The following CCN4 variants were observed in gnomAD, a reference collection of about 807,000 sequenced individuals.
CCN4 encodes cellular communication network factor 4, also known as CCN family member 4.
In CCN4, 30 loss-of-function variants were observed where a neutral mutation model predicts 36.7. That is an observed-to-expected ratio of 0.82 (90% CI 0.61 to 1.11). The LOEUF (loss-of-function observed/expected upper bound fraction) is 1.11. CCN4 is among the 50% of genes least tolerant of loss of function. CCN4 has a pLI of 0.00. For missense variants in CCN4, 505 were observed against 504.9 expected (o/e 1.00, Z 0.00); for synonymous variants, 191 against 195.4 (o/e 0.98, Z 0.19).
At chr8:133,199,998 C>A (rs1853529634) in intron 1 of CCN4, among the ~76,000 whole-genome samples, 1 of 152,170 alleles carries the variant, frequency 6.6e-6, no homozygotes, top group Non-Finnish European at 1.5e-5. Context: ...GTTCAGAACA[C>A]CACCGTGTGC....
At chr8:133,209,863 G>T (rs1853934756) in intron 1 of CCN4, among the ~76,000 whole-genome samples, 1 of 152,166 alleles carries the variant, frequency 6.6e-6, no homozygotes, top group East Asian at 1.9e-4. Context: ...CCTTCCAACT[G>T]CCCCCAAAGG....
chr8:133,224,187 G>GCCA (rs1345007252), intron 3 of CCN4, among the ~76,000 whole-genome samples: 1 of 147,464 alleles, frequency 6.8e-6, no homozygotes, highest in African/African-American at 2.5e-5. Flanking sequence ...TAGCAGTGCT[G>GCCA]CCAGTTGAAC....
intron 1 of CCN4, among the ~76,000 whole-genome samples, chr8:133,197,652 G>A (rs1404538256): frequency 1.3e-5 from 2 of 152,146 alleles, no homozygotes; most frequent in African/African-American, 4.8e-5. Flanking sequence ...GCATTCCAGG[G>A]GATGCGATAA....
intron 1 of CCN4, among the ~76,000 whole-genome samples, chr8:133,204,184 T>A (rs1853684600): frequency 6.6e-6 from 1 of 152,216 alleles, no homozygotes; most frequent in Admixed American, 6.5e-5. Flanking sequence ...CTCCTTTTGG[T>A]TGTCTCCCAT....
chr8:133,230,109 G>T lies in CCN4; in HGVS notation c.*2399G>T, dbSNP rs1335838827. 1 of 152,236 alleles carries T rather than the reference G, an allele frequency of 6.6e-6. No homozygotes were observed. Among genetic ancestry groups the T allele is most frequent in the Non-Finnish European group, 1.5e-5 (1 of 68,046 alleles). 9.4% of individuals were successfully genotyped at this position (152,236 alleles called of 1,614,324 possible). ...AGGAAGTCTGGTTGGAGAAACTAGGGATTATTCTGGCAATGGGTGCAGGAA... is the reference window on the plus strand; with the variant it reads ...AGGAAGTCTGGTTGGAGAAACTAGGTATTATTCTGGCAATGGGTGCAGGAA... On this transcript the variant is annotated 3_prime_UTR_variant, in exon 5 of 5. Transcript: ENST00000250160.
intron 1 of CCN4, among the ~76,000 whole-genome samples, chr8:133,194,806 A>G (rs1430852569): frequency 2.0e-4 from 12 of 58,674 alleles, no homozygotes; most frequent in East Asian, 6.9e-4. Context: ...TGTGGTGTTT[A>G]TTGTGTGTGG....
rs371284503 is a variant in CCN4, at chr8:133,217,063, T to C, written c.350-3518T>C. ...CCAGCATCATCACTCACTATTACTA[T>C]GACTTTAGGCGAACTACTTAGCCTT... On this transcript the variant is annotated intron_variant, in intron 2 of 4. Coordinates refer to ENST00000250160, the MANE Select transcript of CCN4 (RefSeq NM_003882.4). 2.6e-5 allele frequency among the ~76,000 whole-genome samples: 4 copies of C among 152,340 alleles called. 1 individual carries two copies. Among genetic ancestry groups the C allele is most frequent in the African/African-American group, 9.6e-5 (4 of 41,584 alleles).
intron 2 of CCN4, among the ~76,000 whole-genome samples, chr8:133,219,648 T>C (rs1470267146): frequency 6.6e-6 from 1 of 152,244 alleles, no homozygotes; most frequent in African/African-American, 2.4e-5. Flanking sequence ...TTAGGAGTGG[T>C]ATTTCCATTT....
chr8:133,223,868 C>G (rs1012017181), intron 3 of CCN4, among the ~76,000 whole-genome samples: 1 of 152,182 alleles, frequency 6.6e-6, no homozygotes, highest in Non-Finnish European at 1.5e-5. Context: ...GAGCTCACCA[C>G]CATTTTCCGT....
intron 2 of CCN4, among the ~76,000 whole-genome samples, chr8:133,217,948 A>ACG (rs1268672980): frequency 1.3e-5 from 2 of 151,642 alleles, no homozygotes; most frequent in South Asian, 2.1e-4. Flanking sequence ...ACACACACAC[A>ACG]CACACACACA....
chr8:133,206,773 T>C (rs1434278987), intron 1 of CCN4, among the ~76,000 whole-genome samples: 4 of 152,146 alleles, frequency 2.6e-5, no homozygotes, highest in African/African-American at 9.7e-5. Context: ...GGGATCACAC[T>C]GGAATTAAGG....
At position 133,228,978 on chromosome 8, in the gene CCN4, TATC is replaced by T. The variant is rs1317406527; in HGVS notation, c.*1270_*1272del. The T allele has an allele frequency of 6.6e-6, 1 of 152,256 alleles. No individual in the cohort carries two copies. The highest frequency in any genetic ancestry group is 1.5e-5 in the Non-Finnish European group (1 of 68,042). The allele number at this position is 152,256 out of a possible 1,614,324, so 9.4% of individuals were successfully genotyped here. On this transcript the variant is annotated 3_prime_UTR_variant, in exon 5 of 5. Coordinates refer to ENST00000250160, the MANE Select transcript of CCN4 (RefSeq NM_003882.4). ...AAAGGAAAAGGTTGTTGTTAATGAA[TATC>T]AGGCTATTATTTATTGTATTAGGAA...
intron 4 of CCN4, 94 bp from the exon 5 acceptor site, chr8:133,227,317 C>A: frequency 7.4e-7 from 1 of 1,352,420 alleles, no homozygotes; most frequent in Admixed American, 2.2e-5. Context: ...AATGCTCCCA[C>A]ATAGTGAGAA....
chr8:133,210,533 C>T (rs1853977811), intron 1 of CCN4, among the ~76,000 whole-genome samples: 1 of 152,152 alleles, frequency 6.6e-6, no homozygotes, highest in Non-Finnish European at 1.5e-5. Context: ...GAACTGCCAA[C>T]CCCAAGAGCT....
chr8:133,193,727 T>G lies in CCN4; in HGVS notation c.69+2514T>G, dbSNP rs116146903. On this transcript the variant is annotated intron_variant, in intron 1 of 4. Coordinates refer to ENST00000250160, the MANE Select transcript of CCN4 (RefSeq NM_003882.4). ...TATGAAAACTGAGACTCGGAGAGGT[T>G]AAGTAATTTGTCAAAGGTCACACAG... Among the ~76,000 whole-genome samples the G allele has an allele frequency of 2.9e-3, 435 of 152,336 alleles. 2 individuals are homozygous for G. The highest frequency in any genetic ancestry group is 0.01 in the African/African-American group (424 of 41,574).
At chr8:133,192,215 A>G (rs12156037) in intron 1 of CCN4, among the ~76,000 whole-genome samples, 47,106 of 152,060 alleles carry the variant, frequency 0.31, 7,851 homozygotes, top group Middle Eastern at 0.36. Context: ...CTTCACAGAT[A>G]AGGAAACCGT....
rs1320229554 is a variant in CCN4, at chr8:133,230,291, A to G, written c.*2581A>G. 1.3e-5 allele frequency: 2 copies of G among 152,274 alleles called. No homozygotes were observed. The highest frequency in any genetic ancestry group is 4.8e-5 in the African/African-American group (2 of 41,474). The allele number at this position is 152,274 out of a possible 1,614,324, so 9.4% of individuals were successfully genotyped here. A position where few individuals can be genotyped will look rare whatever the true frequency, so the allele number is the denominator to read the frequency against. On this transcript the variant is annotated 3_prime_UTR_variant, in exon 5 of 5. Transcript: ENST00000250160. ...CTTTCTAAGTCAGAATTTCCCTGCA[A>G]TGGTGTGGCCTGATTCAATAAAAAT...
intron 1 of CCN4, among the ~76,000 whole-genome samples, chr8:133,211,699 C>T (rs930307207): frequency 6.6e-6 from 1 of 152,196 alleles, no homozygotes; most frequent in African/African-American, 2.4e-5. Context: ...CCACAGAAGC[C>T]CTGGATTCTC....
At position 133,227,655 on chromosome 8, in the gene CCN4, A is replaced by G. The variant is rs765491614; in HGVS notation, c.1049A>G (p.Asn350Ser). The change falls in exon 5 of 5, where the codon AAT (asparagine) becomes AGT (serine). Residue 350 changes from asparagine to serine, a missense_variant. By Grantham distance (46) the Asn-to-Ser change is conservative. Transcript: ENST00000250160. ...TGTAACCTGAGCTGTAGGAATCCCA[A>G]TGACATCTTTGCTGACTTGGAATCC... ...CFCNLSCRNP[N>S]DIFADLESYP... The G allele has an allele frequency of 6.1e-5, 98 of 1,614,056 alleles. 1 individual carries two copies. The South Asian group carries it at 6.8e-4, about 11-fold the overall frequency.
Sources: allele counts gnomAD v4.1 joint callset (sites outside exome capture counted in the v4.1 genomes callset), GRCh38; gene constraint gnomAD v4.1.1; transcripts MANE v1.5; gene names NCBI Gene and HGNC (gene_info 2026-07-23, HGNC 2026-07-21).